Variants in IPO5 observed in about 807,000 individuals in gnomAD.
IPO5 encodes importin-5.
IPO5 carries 18 observed loss-of-function variants against 143.3 expected under a neutral mutation model. The ratio of observed to expected loss-of-function variants is 0.13; its 90% CI spans 0.09 to 0.19. The LOEUF (loss-of-function observed/expected upper bound fraction) is 0.19. IPO5 is among the 10% of genes least tolerant of loss of function. IPO5 has a pLI of 1.00. For missense variants in IPO5, 1,013 were observed against 1,336.9 expected, an observed-to-expected ratio of 0.76 and a Z score of 3.78; for synonymous variants, 477 against 465.7, an observed-to-expected ratio of 1.02 and a Z score of -0.31.
At chr13:98,010,359 C>T (rs1260473747) in intron 20 of IPO5, 135 bp downstream of exon 20, 8 of 814,080 alleles carry the variant, frequency 9.8e-6, no homozygotes, top group Admixed American at 3.1e-5. Context: ...GTTTTCTTTC[C>T]ATTTTAAAGA....
At chr13:98,010,322 C>G in intron 20 of IPO5, 98 bp downstream of exon 20, 1 of 1,062,750 alleles carries the variant, frequency 9.4e-7, no homozygotes, top group Non-Finnish European at 1.4e-6. Flanking sequence ...CTTTGGAGAG[C>G]CAGTAATATG....
chr13:97,978,675 A>C (rs1490780960), intron 4 of IPO5, among the ~76,000 whole-genome samples: 1 of 152,170 alleles, frequency 6.6e-6, no homozygotes, highest in Non-Finnish European at 1.5e-5. Flanking sequence ...ATGTGTTACA[A>C]AGCAGAACAG....
intron 6 of IPO5, among the ~76,000 whole-genome samples, chr13:97,988,681 G>A (rs544680718): frequency 1.1e-4 from 16 of 152,200 alleles, no homozygotes; most frequent in East Asian, 1.9e-4. Context: ...CCAGCTACTC[G>A]GGAGGCTGAG....
At chr13:98,017,161 T>C (rs1890170657) in intron 25 of IPO5, among the ~76,000 whole-genome samples, 1 of 152,106 alleles carries the variant, frequency 6.6e-6, no homozygotes. Flanking sequence ...ACAGAATGGT[T>C]ACTTCTTTTT....
chr13:98,002,324 G>A, intron 13 of IPO5, 143 bp from the exon 14 acceptor site: 1 of 689,502 alleles, frequency 1.5e-6, no homozygotes, highest in Non-Finnish European at 2.3e-6. Flanking sequence ...CTATACAAAT[G>A]TTTTTATATT....
rs1445219439 is a variant in IPO5 at position 98,015,640 on chromosome 13, A to C, written c.2436A>C (p.Gln812His). 3 of 1,599,552 alleles carry C rather than the reference A, an allele frequency of 1.9e-6. No individual in the cohort carries two copies. In the African/African-American group the frequency reaches 4.0e-5, roughly 21 times the overall value. ...EEHFKNQELR[Q>H]VKRQDEDYDE... ...ATTTTAAAAATCAAGAATTACGACA[A>C]GGTAAGTTTTCCATGCTTTTATTTC... Residue 812 changes from glutamine (Q) to histidine (H), a missense_variant and splice_region_variant, in exon 23 of 29, where the codon CAA becomes CAC. Physicochemically the swap from Gln to His is conservative, Grantham distance 24. Coordinates refer to ENST00000651721, the MANE Select transcript of IPO5 (RefSeq NM_002271.6).
rs758044209 is a variant in IPO5 at position 98,006,304 on chromosome 13, A to G, written c.1672A>G (p.Ile558Val). The change falls in exon 17 of 29, where the codon ATT (isoleucine) becomes GTT (valine). Residue 558 changes from isoleucine (I) to valine (V), a missense_variant. By Grantham distance (29) the Ile-to-Val change is conservative. This residue lies in a region of IPO5 where 685 missense variants were observed against 994.9 expected (regional missense o/e 0.69). Coordinates refer to ENST00000651721, the MANE Select transcript of IPO5 (RefSeq NM_002271.6). Reference protein sequence around the residue: ...KELRLLRGKTIECISLIGLAV... With the variant: ...KELRLLRGKTVECISLIGLAV... The stretch of plus-strand genomic sequence containing the variant: ...ACTGAGACTTCTGAGAGGAAAAACT[A>G]TTGAATGCATTAGCCTCATTGGTCT... 1.3e-6 allele frequency: 2 copies of G among 1,576,448 alleles called. No individual in the cohort carries two copies. The highest frequency in any genetic ancestry group is 1.7e-6 in the Non-Finnish European group (2 of 1,158,932).
At chr13:97,956,107 G>A (rs928344913) in intron 2 of IPO5, among the ~76,000 whole-genome samples, 2 of 151,118 alleles carry the variant, frequency 1.3e-5, no homozygotes, top group African/African-American at 4.9e-5. Flanking sequence ...ACTCCAGCCT[G>A]GGCGACAGTG....
intron 22 of IPO5, 37 bp from the exon 23 acceptor site, chr13:98,015,493 A>G (rs370750622): frequency 1.6e-5 from 21 of 1,274,042 alleles, no homozygotes; most frequent in East Asian, 1.4e-4. Flanking sequence ...AAACACCCCA[A>G]ATCTTATGGA....
At chr13:97,987,014 G>A (rs1261558955) in intron 6 of IPO5, 5 of 161,330 alleles carry the variant, frequency 3.1e-5, no homozygotes, top group East Asian at 3.5e-4. Flanking sequence ...ACTAGCCTGC[G>A]GAGGTTGGTC....
chr13:97,984,776 T>G (rs1486034638), intron 5 of IPO5, among the ~76,000 whole-genome samples: 4 of 152,228 alleles, frequency 2.6e-5, no homozygotes, highest in African/African-American at 9.6e-5. Context: ...CAATAGCTTA[T>G]TGGCTTGATT....
intron 2 of IPO5, among the ~76,000 whole-genome samples, chr13:97,957,973 A>C (rs1884574835): frequency 6.6e-6 from 1 of 152,194 alleles, no homozygotes; most frequent in Non-Finnish European, 1.5e-5. Context: ...TGACAGAGTG[A>C]GACAGAATGA....
chr13:97,967,100 A>G (rs2139529479), intron 2 of IPO5, among the ~76,000 whole-genome samples: 1 of 152,170 alleles, frequency 6.6e-6, no homozygotes, highest in African/African-American at 2.4e-5. Flanking sequence ...ATCTATTCAT[A>G]TTTTCTATTT....
chr13:98,005,634 T>C (rs1889176237), intron 16 of IPO5, among the ~76,000 whole-genome samples: 2 of 152,098 alleles, frequency 1.3e-5, no homozygotes, highest in Admixed American at 1.3e-4. Context: ...CTCATCTGTT[T>C]CAGCAAGACA....
chr13:97,994,572 T>A (rs960150655), intron 11 of IPO5, among the ~76,000 whole-genome samples: 3 of 152,198 alleles, frequency 2.0e-5, no homozygotes, highest in African/African-American at 4.8e-5. Flanking sequence ...GAAAGACTAA[T>A]AGAAGAACAA....
At chr13:98,006,406 GCT>G in intron 17 of IPO5, 58 bp downstream of exon 17, 2 of 996,496 alleles carry the variant, frequency 2.0e-6, no homozygotes, top group South Asian at 3.3e-5. Flanking sequence ...ACAGAGTCTC[GCT>G]CTGTCACCCA....
At chr13:97,977,873 T>A (rs1178466850) in intron 4 of IPO5, among the ~76,000 whole-genome samples, 1 of 152,364 alleles carries the variant, frequency 6.6e-6, no homozygotes, top group Non-Finnish European at 1.5e-5. Context: ...TTCAGCCAGA[T>A]ATTTTTAAAT....
chr13:98,010,811 C>G (rs1367932477), intron 20 of IPO5, among the ~76,000 whole-genome samples: 5 of 44,890 alleles, frequency 1.1e-4, no homozygotes, highest in African/African-American at 8.2e-4. Context: ...GGTGGAGTCT[C>G]TCTTTTTCAC....
intron 3 of IPO5, among the ~76,000 whole-genome samples, chr13:97,970,729 A>G (rs1319941422): frequency 6.6e-6 from 1 of 152,240 alleles, no homozygotes; most frequent in Non-Finnish European, 1.5e-5. Flanking sequence ...GTAGCATTGA[A>G]AGCCAGAAAT....
Sources: allele counts gnomAD v4.1 joint callset (sites outside exome capture counted in the v4.1 genomes callset), GRCh38; gene constraint gnomAD v4.1.1; regional missense constraint gnomAD v4.1.1; transcripts MANE v1.5; gene names NCBI Gene and HGNC (gene_info 2026-07-23, HGNC 2026-07-21).